SNRPN: variants seen among roughly 807,000 people sequenced by gnomAD.
The protein encoded by SNRPN is small nuclear ribonucleoprotein polypeptide N.
Under a neutral mutation model 25.2 loss-of-function variants are expected in SNRPN, and 7 were observed. The observed-to-expected ratio is 0.28, with a 90% CI of 0.16 to 0.52. SNRPN has a LOEUF of 0.52. SNRPN is among the 20% of genes least tolerant of loss of function. The pLI is 0.96. For synonymous variants in SNRPN, 124 were observed against 110.6 expected (o/e 1.12, Z -0.76); for missense variants, 196 against 322.5 (o/e 0.61, Z 3.00).
intron 2 of SNRPN, among the ~76,000 whole-genome samples, chr15:24,841,015 T>C (rs1197186462): frequency 2.0e-5 from 3 of 152,178 alleles, no homozygotes; most frequent in Admixed American, 1.3e-4. Context: ...CTAATTTTTA[T>C]ATTTTAGTAG....
chr15:24,843,987 C>A (rs963152097), intron 2 of SNRPN, among the ~76,000 whole-genome samples: 2 of 148,886 alleles, frequency 1.3e-5, no homozygotes, highest in South Asian at 2.1e-4. Flanking sequence ...AAAAAAAAAA[C>A]GTATGATTCA....
chr15:24,964,409 C>A (rs1342085494), intron 2 of SNRPN, among the ~76,000 whole-genome samples: 1 of 152,174 alleles, frequency 6.6e-6, no homozygotes, highest in Non-Finnish European at 1.5e-5. Context: ...TCTCCTGCCT[C>A]AGTCTCCCAA....
In SNRPN at chr15:24,831,630, C is replaced by A. The variant is rs552457020; in HGVS notation, c.-579+1725C>A. Among the ~76,000 whole-genome samples, 4 of 152,110 alleles carry A rather than the reference C, an allele frequency of 2.6e-5. No homozygotes were observed. In the East Asian group the frequency reaches 5.8e-4, roughly 22 times the overall value. ...TTCACAATCATCTACCCATCCTCAT[C>A]CCCTACCACCCTTAGGCCCTAGTAC... On this transcript the variant is annotated intron_variant, in intron 2 of 12. Coordinates refer to the SNRPN transcript ENST00000400100.
chr15:24,932,265 G>A (rs2060921278), intron 3 of SNRPN, among the ~76,000 whole-genome samples: 1 of 152,120 alleles, frequency 6.6e-6, no homozygotes, highest in South Asian at 2.1e-4. Flanking sequence ...ATGGAGTTTT[G>A]CTCTTGTTGC....
At position 24,949,068 on chromosome 15, in the gene SNRPN, C is replaced by T. The variant is rs186445529; in HGVS notation, c.-390-13046C>T. Among the ~76,000 whole-genome samples the T allele has an allele frequency of 2.6e-5, 3 of 116,704 alleles. No homozygotes were observed. The East Asian group carries it at 8.5e-4, about 33-fold the overall frequency. The allele number at this position is 116,704 out of a possible 152,430, so 76.6% of individuals were successfully genotyped here. A position where few individuals can be genotyped will look rare whatever the true frequency, so the allele number is the denominator to read the frequency against. Reference sequence around the variant, plus strand: ...ATAGAGTCTCACTCTCTCACCTAGGCTGGAGTGCAGTGGCGCAATCTCGGC... The same window carrying T: ...ATAGAGTCTCACTCTCTCACCTAGGTTGGAGTGCAGTGGCGCAATCTCGGC... On this transcript the variant is annotated intron_variant, in intron 3 of 11. Coordinates refer to the SNRPN transcript ENST00000400097.
chr15:24,905,097 A>G (rs2151782387), intron 2 of SNRPN, among the ~76,000 whole-genome samples: 1 of 143,398 alleles, frequency 7.0e-6, no homozygotes, highest in South Asian at 2.3e-4. Flanking sequence ...TGGGTGAGAG[A>G]GCAAGACTCC....
intron 2 of SNRPN, among the ~76,000 whole-genome samples, chr15:24,917,735 G>A (rs1025369328): frequency 5.9e-5 from 9 of 152,230 alleles, no homozygotes; most frequent in African/African-American, 1.9e-4. Context: ...CGGGAAGCCC[G>A]TGTTCCATAT....
chr15:24,954,976 G>C, upstream of SNRPN: 1 of 1,604,160 alleles, frequency 6.2e-7, no homozygotes, highest in Non-Finnish European at 8.5e-7. Context: ...CGCTGCTGCA[G>C]CGAGTCTGGC....
At chr15:24,850,657 C>T (rs149207434) in intron 2 of SNRPN, 1 of 152,288 alleles carries the variant, frequency 6.6e-6, no homozygotes, top group East Asian at 1.9e-4. Context: ...GAAACAAGAA[C>T]ATCTTCCTTC....
intron 1 of SNRPN, among the ~76,000 whole-genome samples, chr15:24,877,168 G>A (rs1318563524): frequency 6.6e-6 from 1 of 152,168 alleles, no homozygotes; most frequent in Admixed American, 6.5e-5. Flanking sequence ...AATGGCCACA[G>A]AAAATTTTCG....
intron 2 of SNRPN, among the ~76,000 whole-genome samples, chr15:24,964,590 GC>G (rs1566962301): frequency 6.6e-6 from 1 of 152,056 alleles, no homozygotes; most frequent in East Asian, 1.9e-4. Flanking sequence ...GAGCCACTGC[GC>G]CCAGCCTCTC....
intron 1 of SNRPN, among the ~76,000 whole-genome samples, chr15:24,867,730 A>T (rs11634217): frequency 0.19 from 29,051 of 152,012 alleles, 3,095 homozygotes; most frequent in Middle Eastern, 0.32. Flanking sequence ...GATCCACTCC[A>T]ACAGTCTGTG....
intron 1 of SNRPN, among the ~76,000 whole-genome samples, chr15:24,867,362 T>A (rs998228219): frequency 6.7e-6 from 1 of 149,000 alleles, no homozygotes; most frequent in Non-Finnish European, 1.5e-5. Context: ...GTATCTGTCT[T>A]TATATTTAAA....
rs952088734 is a variant in SNRPN at position 24,976,737 on chromosome 15, G to T, written c.268-140G>T. ...CACAAGATACCTCCATGGTATACTT[G>T]CTTGTTTGTTCATTTGGACACAGAA... On this transcript the variant is annotated intron_variant, in intron 6 of 9. Coordinates refer to ENST00000390687, the MANE Select transcript of SNRPN (RefSeq NM_003097.6). 5 of 751,444 alleles carry T rather than the reference G, an allele frequency of 6.7e-6. No homozygotes were observed. The Admixed American group carries it at 1.1e-4, about 17-fold the overall frequency. 46.5% of individuals were successfully genotyped at this position (751,444 alleles called of 1,614,324 possible). A position where few individuals can be genotyped will look rare whatever the true frequency, so the allele number is the denominator to read the frequency against.
chr15:24,907,082 C>T (rs750191686), intron 2 of SNRPN, among the ~76,000 whole-genome samples: 1 of 151,932 alleles, frequency 6.6e-6, no homozygotes, highest in African/African-American at 2.4e-5. Flanking sequence ...CAAAGCATAT[C>T]GTAAGCAGGG....
intron 4 of SNRPN, 199 bp downstream of exon 4, chr15:24,974,655 C>G (rs2153682508): frequency 1.5e-6 from 1 of 646,782 alleles, no homozygotes; most frequent in South Asian, 1.9e-5. Context: ...GGGTCTTGCT[C>G]TGTCTCCCAG....
chr15:24,848,178 C>T lies in SNRPN; in HGVS notation c.-579+18273C>T, dbSNP rs576689320. ...CACTGTCCGGTGCGGCCAACCAGCT[C>T]GTGGTGCGCTGTGGGAAGGTCACAG... On this transcript the variant is annotated intron_variant, in intron 2 of 12. Transcript: ENST00000400100. 3.3e-3 allele frequency among the ~76,000 whole-genome samples: 440 copies of T among 133,660 alleles called. 3 individuals are homozygous for T. Among genetic ancestry groups the T allele is most frequent in the African/African-American group, 0.011 (426 of 37,396 alleles). The allele number at this position is 133,660 out of a possible 152,430, so 87.7% of individuals were successfully genotyped here.
chr15:24,881,285 C>T (rs71395078), intron 1 of SNRPN, among the ~76,000 whole-genome samples: 21,737 of 151,306 alleles, frequency 0.14, 1,817 homozygotes, highest in Admixed American at 0.25. Context: ...CACTTTGGGA[C>T]GCCAAGGCAG....
intron 2 of SNRPN, chr15:24,848,803 C>T (rs2052507709): frequency 6.6e-6 from 1 of 152,048 alleles, no homozygotes; most frequent in African/African-American, 2.4e-5. Context: ...CAAGATCAAA[C>T]TTTCCCCACA....
Sources: gnomAD v4.1 joint callset for allele counts (sites outside exome capture counted in the v4.1 genomes callset) on GRCh38, gnomAD v4.1.1 for gene constraint, MANE v1.5 for transcripts, NCBI Gene and HGNC (gene_info 2026-07-23, HGNC 2026-07-21) for gene names.